Variants in PMFBP1 observed in about 807,000 individuals in gnomAD.
PMFBP1 encodes polyamine-modulated factor 1-binding protein 1.
A neutral mutation model predicts 137.8 loss-of-function variants in PMFBP1; 131 were observed. The ratio of observed to expected loss-of-function variants is 0.95; its 90% CI spans 0.82 to 1.10. PMFBP1 has a LOEUF of 1.10. PMFBP1 is among the 50% of genes least tolerant of loss of function. The pLI is 0.00. For missense variants in PMFBP1, 1,199 were observed against 1,175.4 expected, an observed-to-expected ratio of 1.02 and a Z score of -0.29; for synonymous variants, 490 against 450.4, an observed-to-expected ratio of 1.09 and a Z score of -1.11.
intron 3 of PMFBP1, among the ~76,000 whole-genome samples, chr16:72,157,183 CAAAAAA>C (rs35414674): frequency 3.2e-4 from 6 of 18,922 alleles, no homozygotes; most frequent in African/African-American, 6.4e-4. Context: ...GACTCCATCT[CAAAAAA>C]AAAAAAAAAA....
the PMFBP1 span, among the ~76,000 whole-genome samples, chr16:72,182,678 A>T: frequency 1.3e-5 from 2 of 152,152 alleles, no homozygotes; most frequent in African/African-American, 4.8e-5. Context: ...GAGAAGTGTA[A>T]CTCCAAAAAT....
chr16:72,228,436 T>C, the PMFBP1 span, among the ~76,000 whole-genome samples: 3 of 152,168 alleles, frequency 2.0e-5, no homozygotes, highest in Admixed American at 6.6e-5. Flanking sequence ...ATGGACTCCA[T>C]CTGCACATCA....
intron 6 of PMFBP1, among the ~76,000 whole-genome samples, chr16:72,139,855 A>T (rs1456945299): frequency 1.3e-5 from 2 of 152,326 alleles, no homozygotes; most frequent in Middle Eastern, 3.4e-3. Flanking sequence ...AATTTGTTGA[A>T]AATAATTCAA....
chr16:72,136,928 G>C (rs2144325406), intron 7 of PMFBP1, 109 bp from the exon 8 acceptor site: 2 of 1,446,036 alleles, frequency 1.4e-6, no homozygotes, highest in East Asian at 2.3e-5. Context: ...AAGTAGCAGA[G>C]TAATGGCTGC....
chr16:72,150,539 G>T, intron 5 of PMFBP1, 69 bp downstream of exon 5: 1 of 1,470,868 alleles, frequency 6.8e-7, no homozygotes, highest in Non-Finnish European at 9.5e-7. Context: ...AGGAGGCTGG[G>T]ACTGTCTGAG....
chr16:72,118,856 T>A (rs8044555), downstream of PMFBP1, among the ~76,000 whole-genome samples: 1 of 152,020 alleles, frequency 6.6e-6, no homozygotes, highest in African/African-American at 2.4e-5. Flanking sequence ...TACTTCCTCT[T>A]TGGAGTTTTT....
At chr16:72,195,514 C>T in the PMFBP1 span, among the ~76,000 whole-genome samples, 1 of 152,186 alleles carries the variant, frequency 6.6e-6, no homozygotes, top group Admixed American at 6.5e-5. Flanking sequence ...TCCTGCCTCC[C>T]CCATCCATCC....
At chr16:72,245,309 C>T in the PMFBP1 span, among the ~76,000 whole-genome samples, 12 of 152,048 alleles carry the variant, frequency 7.9e-5, no homozygotes, top group African/African-American at 2.9e-4. Flanking sequence ...TCTCAACTAC[C>T]CTGGTTGGTA....
the PMFBP1 span, among the ~76,000 whole-genome samples, chr16:72,227,020 A>T: frequency 1.3e-5 from 2 of 152,200 alleles, no homozygotes; most frequent in African/African-American, 2.4e-5. Flanking sequence ...CTAAATGCTC[A>T]TGAAAATGTA....
chr16:72,132,647 G>A, intron 10 of PMFBP1, 101 bp downstream of exon 10: 1 of 1,550,188 alleles, frequency 6.5e-7, no homozygotes, highest in Non-Finnish European at 8.7e-7. Context: ...CACTGGAGGA[G>A]GGCGAGGGGA....
rs146907041 is a variant in PMFBP1 at position 72,149,160 on chromosome 16, A to G, written c.636+1448T>C. Among the ~76,000 whole-genome samples the G allele has an allele frequency of 5.3e-5, 8 of 152,332 alleles. No individual in the cohort carries two copies. In the East Asian group the frequency reaches 1.5e-3, roughly 29 times the overall value. On this transcript the variant is annotated intron_variant, in intron 5 of 20. Transcript: ENST00000237353. The stretch of plus-strand genomic sequence containing the variant: ...TAGAGTTGGCTTCCTGGGGAACCCA[A>G]CCTGTGACTATTAGAACTAAGGTAA...
upstream of PMFBP1, among the ~76,000 whole-genome samples, chr16:72,180,643 C>A (rs139391305): frequency 1.3e-5 from 2 of 150,150 alleles, no homozygotes; most frequent in African/African-American, 4.9e-5. Flanking sequence ...GAGATTTTTT[C>A]CCCTCTTAAA....
intron 4 of PMFBP1, among the ~76,000 whole-genome samples, chr16:72,152,844 C>CAAAA (rs34108768): frequency 9.2e-5 from 6 of 65,038 alleles, no homozygotes; most frequent in Non-Finnish European, 1.4e-4. Flanking sequence ...GACTTCGTCT[C>CAAAA]AAAAAAAAAA....
At chr16:72,121,516 C>G (rs1174522951) in intron 19 of PMFBP1, among the ~76,000 whole-genome samples, 1 of 152,244 alleles carries the variant, frequency 6.6e-6, no homozygotes, top group East Asian at 1.9e-4. Flanking sequence ...ACCTGGGGTG[C>G]CACGAATGGA....
intron 5 of PMFBP1, among the ~76,000 whole-genome samples, chr16:72,141,151 G>C (rs552561525): frequency 3.3e-5 from 5 of 152,116 alleles, no homozygotes; most frequent in African/African-American, 9.6e-5. Context: ...TGGCCAGGCA[G>C]GTCTCAAACT....
Position 72,138,011 on chromosome 16 carries a change from G to T in PMFBP1, c.919-1192C>A, listed in dbSNP as rs541284381. Among the ~76,000 whole-genome samples the T allele has an allele frequency of 4.6e-5, 7 of 152,206 alleles. No homozygotes were observed. In the South Asian group the frequency reaches 1.5e-3, roughly 32 times the overall value. ...CTGGCGTGGGTCTCTCATTCCTAATGGAGCCCCAGGGAGCGTGAGGGCTTT... is the reference window on the plus strand; with the variant it reads ...CTGGCGTGGGTCTCTCATTCCTAATTGAGCCCCAGGGAGCGTGAGGGCTTT... On this transcript the variant is annotated intron_variant, in intron 7 of 20. Transcript: ENST00000237353.
chr16:72,182,106 G>C, the PMFBP1 span, among the ~76,000 whole-genome samples: 1 of 152,204 alleles, frequency 6.6e-6, no homozygotes, highest in East Asian at 1.9e-4. Flanking sequence ...GCTTCTCATG[G>C]AGTCACTTTG....
intron 5 of PMFBP1, among the ~76,000 whole-genome samples, chr16:72,146,102 G>A (rs1224778842): frequency 6.6e-6 from 1 of 152,178 alleles, no homozygotes; most frequent in Admixed American, 6.6e-5. Context: ...TATCCCTGAT[G>A]AACATTGATG....
At chr16:72,214,332 C>T in the PMFBP1 span, among the ~76,000 whole-genome samples, 1 of 152,014 alleles carries the variant, frequency 6.6e-6, no homozygotes, top group Non-Finnish European at 1.5e-5. Flanking sequence ...GTAACTGGGA[C>T]TACAGGCTAA....
Sources: allele counts gnomAD v4.1 joint callset (sites outside exome capture counted in the v4.1 genomes callset), GRCh38; gene constraint gnomAD v4.1.1; transcripts MANE v1.5; gene names NCBI Gene and HGNC (gene_info 2026-07-23, HGNC 2026-07-21).